Variants in KLKB1 observed in about 807,000 individuals in gnomAD.
KLKB1 encodes the protein plasma kallikrein.
KLKB1 carries 58 observed loss-of-function variants against 73.6 expected under a neutral mutation model. The ratio of observed to expected loss-of-function variants is 0.79; its 90% confidence interval spans 0.64 to 0.98. The LOEUF is 0.98. KLKB1 is among the 50% of genes least tolerant of loss of function. KLKB1 has a pLI of 0.00. For missense variants in KLKB1, 737 were observed against 763.8 expected (o/e 0.96, Z 0.41); for synonymous variants, 280 against 258.1 (o/e 1.08, Z -0.81).
chr4:186,236,727 C>T, intron 4 of KLKB1, 54 bp from the exon 5 acceptor site: 1 of 1,586,416 alleles, frequency 6.3e-7, no homozygotes, highest in Non-Finnish European at 8.6e-7. Context: ...GGTATCTAAT[C>T]TACCTCTAGA....
chr4:186,228,311 G>A, intron 2 of KLKB1, 58 bp downstream of exon 2: 4 of 1,063,432 alleles, frequency 3.8e-6, no homozygotes, highest in Non-Finnish European at 5.9e-6. Context: ...AGCCAAGCAA[G>A]TGGCACCACC....
chr4:186,250,757 A>C (rs1738624402), intron 7 of KLKB1, among the ~76,000 whole-genome samples: 1 of 152,190 alleles, frequency 6.6e-6, no homozygotes, highest in Non-Finnish European at 1.5e-5. Context: ...TATAGCCCTT[A>C]AGCTTGTTGC....
chr4:186,247,351 T>C (rs1425680150), intron 6 of KLKB1, among the ~76,000 whole-genome samples: 1 of 151,308 alleles, frequency 6.6e-6, no homozygotes, highest in Non-Finnish European at 1.5e-5. Flanking sequence ...GGACGTTTTA[T>C]AGGATTTGGG....
chr4:186,232,917 G>A (rs1482954689), intron 3 of KLKB1, among the ~76,000 whole-genome samples: 3 of 152,052 alleles, frequency 2.0e-5, no homozygotes, highest in South Asian at 2.1e-4. Context: ...TAGTACTTAC[G>A]ATTTTGTGTG....
Position 186,258,140 on chromosome 4 carries a change from T to G in KLKB1, c.1845T>G (p.Ala615=). The G allele has an allele frequency of 6.2e-7, 1 of 1,614,196 alleles. No homozygotes were observed. The highest frequency in any genetic ancestry group is 8.5e-7 in the Non-Finnish European group (1 of 1,180,034). ...AACCTGGTGTCTACACCAAAGTCGC[T>G]GAGTACATGGACTGGATTTTAGAGA... ...REQPGVYTKV[A]EYMDWILEKT... The change falls in exon 15 of 15, where the codon GCT becomes GCG. Residue 615 remains alanine, a synonymous_variant. Coordinates refer to ENST00000264690, the MANE Select transcript of KLKB1 (RefSeq NM_000892.5).
At position 186,239,913 on chromosome 4, in the gene KLKB1, T is replaced by C. The variant is rs905310651; in HGVS notation, c.598+1548T>C. Among the ~76,000 whole-genome samples the C allele has an allele frequency of 2.0e-5, 3 of 147,570 alleles. 1 individual carries two copies. In the South Asian group the frequency reaches 6.4e-4, roughly 32 times the overall value. On this transcript the variant is annotated intron_variant, in intron 6 of 14. Transcript: ENST00000264690. ...TAGTACGGTGATACTGTTATAGTTA[T>C]AGGTACAGTGATATTGTTATAGTTA...
In KLKB1 at chr4:186,214,539, A is replaced by C. The variant is rs72647314; in HGVS notation, c.201+5267A>C. The stretch of plus-strand genomic sequence containing the variant: ...CAGTCCTTTAAATGCAATACCATTT[A>C]AGAAAATGCAGAGTTTTCTCTTTTC... On this transcript the variant is annotated intron_variant, in intron 2 of 14. Coordinates refer to the KLKB1 transcript ENST00000511608. Among the ~76,000 whole-genome samples the C allele has an allele frequency of 7.2e-4, 109 of 152,354 alleles. No individual in the cohort carries two copies. In the East Asian group the frequency reaches 0.018, roughly 26 times the overall value.
chr4:186,250,228 T>TTAGGAA lies in KLKB1; in HGVS notation c.599-15_599-14insTAGGAA. On this transcript the variant is annotated splice_polypyrimidine_tract_variant and intron_variant, in intron 6 of 14. Coordinates refer to ENST00000264690, the MANE Select transcript of KLKB1 (RefSeq NM_000892.5). Reference sequence around the variant, plus strand: ...GTCATTTCCTAAGGAACATCTTCTCTCTGTGAGTTCACAGGTTGCCACATG... The same window carrying TTAGGAA: ...GTCATTTCCTAAGGAACATCTTCTCTTAGGAACTGTGAGTTCACAGGTTGCCACATG... 1 of 1,613,296 alleles carries TTAGGAA rather than the reference T, an allele frequency of 6.2e-7. No individual in the cohort carries two copies. Among genetic ancestry groups the TTAGGAA allele is most frequent in the South Asian group, 1.1e-5 (1 of 91,066 alleles).
intron 6 of KLKB1, among the ~76,000 whole-genome samples, chr4:186,246,052 A>G (rs1364393624): frequency 6.6e-6 from 1 of 151,948 alleles, no homozygotes; most frequent in African/African-American, 2.4e-5. Flanking sequence ...CTATGCCTTT[A>G]GCTCCAACCA....
chr4:186,244,786 C>T (rs1234725471), intron 6 of KLKB1, among the ~76,000 whole-genome samples: 1 of 152,108 alleles, frequency 6.6e-6, no homozygotes, highest in African/African-American at 2.4e-5. Context: ...TTATAGGCTT[C>T]AAAAGGCCAC....
In KLKB1 at chr4:186,232,113, T is replaced by C; in HGVS notation, c.59-14T>C. On this transcript the variant is annotated splice_polypyrimidine_tract_variant and intron_variant, in intron 2 of 14. Transcript: ENST00000264690. The stretch of plus-strand genomic sequence containing the variant: ...ATGAATTATCGCAAATTAATTTTTA[T>C]GGTTCTGTCACAGGATGTCTGACTC... 6.3e-7 allele frequency: 1 copy of C among 1,578,556 alleles called. No individual in the cohort carries two copies. Among genetic ancestry groups the C allele is most frequent in the Non-Finnish European group, 8.6e-7 (1 of 1,164,546 alleles).
At chr4:186,256,305 A>G (rs1262941374) in intron 13 of KLKB1, among the ~76,000 whole-genome samples, 1 of 152,198 alleles carries the variant, frequency 6.6e-6, no homozygotes, top group East Asian at 1.9e-4. Context: ...ATCTTACTTC[A>G]TTATAAAGAT....
Position 186,257,321 on chromosome 4 carries a change from A to G in KLKB1, c.1681A>G (p.Met561Val). 6.2e-7 allele frequency: 1 copy of G among 1,605,516 alleles called. No homozygotes were observed. Among genetic ancestry groups the G allele is most frequent in the Non-Finnish European group, 8.5e-7 (1 of 1,175,100 alleles). The change falls in exon 14 of 15, where the codon ATG becomes GTG. Residue 561 changes from methionine (M) to valine (V), a missense_variant. Transcript: ENST00000264690. ...RYQDYKITQR[M>V]VCAGYKEGGK... ...TCAAGATTATAAAATAACCCAACGGATGGTCTGTGCTGGCTATAAAGAAGG... is the reference window on the plus strand; with the variant it reads ...TCAAGATTATAAAATAACCCAACGGGTGGTCTGTGCTGGCTATAAAGAAGG...
chr4:186,234,141 C>T (rs189460102), intron 4 of KLKB1, 83 bp downstream of exon 4: 15 of 1,036,776 alleles, frequency 1.4e-5, no homozygotes, highest in East Asian at 7.2e-5. Flanking sequence ...TGTACTGCTA[C>T]AGCTTTTTGG....
intron 2 of KLKB1, among the ~76,000 whole-genome samples, chr4:186,215,591 A>C (rs1484862536): frequency 6.6e-6 from 1 of 151,498 alleles, no homozygotes; most frequent in Non-Finnish European, 1.5e-5. Context: ...TTATCTATCT[A>C]TCTATTTTTT....
At chr4:186,237,130 G>A (rs1344353604) in intron 5 of KLKB1, among the ~76,000 whole-genome samples, 190 bp downstream of exon 5, 5 of 151,672 alleles carry the variant, frequency 3.3e-5, no homozygotes, top group Non-Finnish European at 5.9e-5. Flanking sequence ...ATGGAGTCGC[G>A]CTCTGTCGCC....
chr4:186,251,873 C>T lies in KLKB1; in HGVS notation c.1144+12C>T. ...TGGGGACAACTCTGGTGAGTAACCT[C>T]ACTTTTTCGTGGACCTGTCAGGGAT... On this transcript the variant is annotated intron_variant, in intron 10 of 14. Coordinates refer to ENST00000264690, the MANE Select transcript of KLKB1 (RefSeq NM_000892.5). 1 of 1,606,580 alleles carries T rather than the reference C, an allele frequency of 6.2e-7. No individual in the cohort carries two copies. The highest frequency in any genetic ancestry group is 1.3e-5 in the African/African-American group (1 of 74,900).
chr4:186,253,608 T>TA (rs1243044686), intron 11 of KLKB1, among the ~76,000 whole-genome samples: 3 of 148,416 alleles, frequency 2.0e-5, no homozygotes, highest in Admixed American at 6.8e-5. Context: ...TCATTGCAAA[T>TA]AAAAAAAGGC....
intron 2 of KLKB1, among the ~76,000 whole-genome samples, chr4:186,216,791 T>C (rs1341287082): frequency 2.0e-5 from 3 of 152,166 alleles, no homozygotes; most frequent in African/African-American, 4.8e-5. Context: ...CTGCTGTCAA[T>C]CCCTCTTAAC....
Sources: allele counts gnomAD v4.1 joint callset (sites outside exome capture counted in the v4.1 genomes callset), GRCh38; gene constraint gnomAD v4.1.1; transcripts MANE v1.5; gene names NCBI Gene and HGNC (gene_info 2026-07-23, HGNC 2026-07-21).